PABPN1L: variants seen among roughly 807,000 people sequenced by gnomAD.
PABPN1L encodes PABPN1 like, cytoplasmic, also known as embryonic polyadenylate-binding protein 2.
In PABPN1L, 45 loss-of-function variants were observed where a neutral mutation model predicts 34.0. That is an observed-to-expected ratio of 1.32 (90% CI 1.04 to 1.70). The LOEUF (loss-of-function observed/expected upper bound fraction) is 1.70, where lower values mean the gene tolerates loss of function less well. PABPN1L is among the 40% of genes most tolerant of loss of function. The probability of loss-of-function intolerance (pLI) is 0.00; values close to 1 mark genes in which losing one functional copy is unlikely to be tolerated. For missense variants in PABPN1L, 459 were observed against 367.8 expected (o/e 1.25, Z -2.03); for synonymous variants, 182 against 152.1 (o/e 1.20, Z -1.45).
chr16:88,864,141 A>G, intron 6 of PABPN1L, 96 bp downstream of exon 6: 1 of 1,412,572 alleles, frequency 7.1e-7, no homozygotes, highest in Non-Finnish European at 9.3e-7. Context: ...ACATTCCTGC[A>G]GCCCCATGAG....
rs557654518 is a variant in PABPN1L at position 88,864,033 on chromosome 16, A to G, written c.797+204T>C. The stretch of plus-strand genomic sequence containing the variant: ...AGCCCACCCTGGGGCCTTTGTGGGA[A>G]CAAGAAGGGGTCACCTCTCCCAGCA... On this transcript the variant is annotated intron_variant, in intron 6 of 6. Coordinates refer to ENST00000419291, the Ensembl canonical transcript of PABPN1L. Among the ~76,000 whole-genome samples the G allele has an allele frequency of 2.1e-4, 30 of 144,144 alleles. No homozygotes were observed. In the East Asian group the frequency reaches 5.9e-3, roughly 29 times the overall value. 94.6% of individuals were successfully genotyped at this position (144,144 alleles called of 152,430 possible). A position where few individuals can be genotyped will look rare whatever the true frequency, so the allele number is the denominator to read the frequency against.
chr16:88,867,618 T>A (rs1451739567), upstream of PABPN1L, among the ~76,000 whole-genome samples: 1 of 150,996 alleles, frequency 6.6e-6, no homozygotes, highest in African/African-American at 2.4e-5. Flanking sequence ...ACGGCGTGAG[T>A]TATTGTGGGG....
exon 7 of PABPN1L, chr16:88,863,705 G>GT: frequency 1.3e-6 from 2 of 1,529,744 alleles, no homozygotes; most frequent in African/African-American, 1.4e-5. Context: ...AGCACAAGTG[G>GT]TTTACTCCTG....
At chr16:88,865,503 C>T (rs1336560599) in intron 3 of PABPN1L, 60 bp downstream of exon 3, 65 of 1,570,540 alleles carry the variant, frequency 4.1e-5, no homozygotes, top group Non-Finnish European at 5.5e-5. Context: ...GGGCGCCAGA[C>T]CCTCTGGTAG....
upstream of PABPN1L, chr16:88,866,774 C>T (rs574378621): frequency 1.6e-5 from 15 of 927,202 alleles, no homozygotes; most frequent in South Asian, 1.8e-4. Flanking sequence ...CCTTGGCTCC[C>T]GGCCCCGCCC....
At chr16:88,864,761 G>T in intron 5 of PABPN1L, 92 bp downstream of exon 5, 1 of 1,356,664 alleles carries the variant, frequency 7.4e-7, no homozygotes, top group Non-Finnish European at 1.0e-6. Flanking sequence ...ACGCTGTGCA[G>T]AGAGGAGCCA....
At chr16:88,867,626 G>T (rs1015060976), upstream of PABPN1L, among the ~76,000 whole-genome samples, 1 of 152,028 alleles carries the variant, frequency 6.6e-6, no homozygotes, top group Non-Finnish European at 1.5e-5. Flanking sequence ...AGTTATTGTG[G>T]GGCGGGGTCT....
At position 88,865,550 on chromosome 16, in the gene PABPN1L, G is replaced by T; in HGVS notation, c.459+13C>A. 2 of 1,609,328 alleles carry T rather than the reference G, an allele frequency of 1.2e-6. No individual in the cohort carries two copies. Among genetic ancestry groups the T allele is most frequent in the Non-Finnish European group, 1.7e-6 (2 of 1,178,634 alleles). On this transcript the variant is annotated intron_variant, in intron 3 of 6. Transcript: ENST00000419291. Reference sequence around the variant, plus strand: ...CATTCGCTGCCTGCCCCTTCACCCCGCCCACCACTCACGTTGCCCACGTAG... The same window carrying T: ...CATTCGCTGCCTGCCCCTTCACCCCTCCCACCACTCACGTTGCCCACGTAG...
chr16:88,863,665 G>C, exon 7 of PABPN1L: 1 of 1,465,960 alleles, frequency 6.8e-7, no homozygotes, highest in Non-Finnish European at 9.2e-7. Context: ...CCTCGCCCCC[G>C]CGCCACTCCC....
At chr16:88,865,182 G>A in intron 3 of PABPN1L, 54 bp from the exon 4 acceptor site, 10 of 1,528,108 alleles carry the variant, frequency 6.5e-6, no homozygotes, top group East Asian at 4.9e-5. Context: ...CTGACTCGGG[G>A]CCTTCTTGTT....
chr16:88,865,971 G>A (rs369370018), intron 1 of PABPN1L, 30 bp from the exon 2 acceptor site: 13 of 1,589,950 alleles, frequency 8.2e-6, no homozygotes, highest in Non-Finnish European at 9.4e-6. Flanking sequence ...AGCCGGGCAG[G>A]CAGCCTGCAG....
At chr16:88,863,983 C>T (rs1349754211) in intron 6 of PABPN1L, among the ~76,000 whole-genome samples, 188 bp from the exon 7 acceptor site, 2 of 152,206 alleles carry the variant, frequency 1.3e-5, no homozygotes, top group Non-Finnish European at 2.9e-5. Context: ...AAGGCAGTGC[C>T]AGGAGAGCCC....
At chr16:88,867,220 CTT>C (rs1208230360), upstream of PABPN1L, among the ~76,000 whole-genome samples, 6,040 of 142,154 alleles carry the variant, frequency 0.042, 423 homozygotes, top group African/African-American at 0.15. Flanking sequence ...TATTCTGGGC[CTT>C]TTTTTTTTTT....
upstream of PABPN1L, among the ~76,000 whole-genome samples, chr16:88,870,128 G>C (rs1278879625): frequency 6.6e-6 from 1 of 150,850 alleles, no homozygotes. Flanking sequence ...GTCTCACTCT[G>C]TTGCCCAGAC....
intron 6 of PABPN1L, 61 bp downstream of exon 6, chr16:88,864,176 G>T: frequency 6.7e-7 from 1 of 1,503,400 alleles, no homozygotes. Context: ...ACCCCCTCCT[G>T]CCCCTGATGC....
At chr16:88,864,514 GC>G (rs919949359) in intron 5 of PABPN1L, 135 bp from the exon 6 acceptor site, 2 of 1,303,594 alleles carry the variant, frequency 1.5e-6, no homozygotes, top group Non-Finnish European at 2.0e-6. Context: ...AGGGTTCCCT[GC>G]CTTTGCCTAC....
chr16:88,866,798 C>G (rs949682292), upstream of PABPN1L: 3 of 747,528 alleles, frequency 4.0e-6, no homozygotes, highest in Non-Finnish European at 4.1e-6. Flanking sequence ...CCCTGTCACT[C>G]GGACAGGTAC....
exon 7 of PABPN1L, chr16:88,863,381 A>G (rs1968491814): frequency 5.3e-6 from 2 of 374,612 alleles, no homozygotes; most frequent in African/African-American, 4.1e-5. Flanking sequence ...TTCACCATTA[A>G]GACACACGTT....
In PABPN1L at chr16:88,866,297, C is replaced by G. The variant is rs1968591246; in HGVS notation, c.255+55G>C. 5 of 1,518,062 alleles carry G rather than the reference C, an allele frequency of 3.3e-6. No individual in the cohort carries two copies. In the Admixed American group the frequency reaches 1.0e-4, roughly 30 times the overall value. The allele number at this position is 1,518,062 out of a possible 1,614,324, so 94.0% of individuals were successfully genotyped here. A position where few individuals can be genotyped will look rare whatever the true frequency, so the allele number is the denominator to read the frequency against. ...CGTCACCCAGACCCCGTGTCTCCAC[C>G]AGCCCCTGTGCCCCAGGTCCCCTGA... On this transcript the variant is annotated intron_variant, in intron 1 of 6. Coordinates refer to ENST00000419291, the Ensembl canonical transcript of PABPN1L.
Sources: allele counts gnomAD v4.1 joint callset (sites outside exome capture counted in the v4.1 genomes callset), GRCh38; gene constraint gnomAD v4.1.1; transcripts MANE v1.5; gene names NCBI Gene and HGNC (gene_info 2026-07-23, HGNC 2026-07-21).